Variants in JADE2 observed in about 807,000 individuals in gnomAD.
JADE2 encodes E3 ubiquitin-protein ligase Jade-2.
A neutral mutation model predicts 85.7 loss-of-function variants in JADE2; 13 were observed. That is an observed-to-expected ratio of 0.15 (90% CI 0.10 to 0.24). The LOEUF (loss-of-function observed/expected upper bound fraction) is 0.24. Among genes scored for constraint, JADE2 ranks in the 10% least tolerant of loss-of-function variants. JADE2 has a pLI of 1.00. For synonymous variants in JADE2, 440 were observed against 456.1 expected (o/e 0.96, Z 0.45); for missense variants, 846 against 1,115.9 (o/e 0.76, Z 3.45).
At chr5:134,567,516 C>T (rs769920010) in intron 9 of JADE2, among the ~76,000 whole-genome samples, 1 of 152,116 alleles carries the variant, frequency 6.6e-6, no homozygotes, top group East Asian at 1.9e-4. Flanking sequence ...CATATGGGAC[C>T]GTGTCACAGT....
At chr5:134,547,411 C>G (rs1367236243) in intron 3 of JADE2, among the ~76,000 whole-genome samples, 1 of 152,224 alleles carries the variant, frequency 6.6e-6, no homozygotes, top group Non-Finnish European at 1.5e-5. Context: ...GACAATTTGT[C>G]AATTTCTGCC....
chr5:134,538,235 C>A, intron 3 of JADE2, 152 bp downstream of exon 3: 1 of 615,144 alleles, frequency 1.6e-6, no homozygotes, highest in East Asian at 2.8e-5. Flanking sequence ...GGGCCAGTTT[C>A]CCTCAGCCTT....
At chr5:134,548,190 A>G (rs773729087) in intron 3 of JADE2, among the ~76,000 whole-genome samples, 2 of 152,194 alleles carry the variant, frequency 1.3e-5, no homozygotes, top group Non-Finnish European at 2.9e-5. Context: ...GGAACTTGCA[A>G]AGACCACAGT....
At chr5:134,526,762 AGT>A in intron 1 of JADE2, 1 of 985,138 alleles carries the variant, frequency 1.0e-6, no homozygotes, top group South Asian at 4.7e-5. Flanking sequence ...TTTCCAGGTG[AGT>A]GTGGAGGGTG....
At position 134,533,748 on chromosome 5, in the gene JADE2, T is replaced by C. The variant is rs1057376156; in HGVS notation, c.1-2110T>C. ...TGTCACACTCTCTCTTTTTTTTTTT[T>C]TTTTTTTTTTTTTTTTGAGATAAGG... On this transcript the variant is annotated intron_variant, in intron 1 of 11. Coordinates refer to ENST00000681547, the MANE Select transcript of JADE2 (RefSeq NM_001388185.1). Among the ~76,000 whole-genome samples, 44 of 50,160 alleles carry C rather than the reference T, an allele frequency of 8.8e-4. No homozygotes were observed. The South Asian group carries it at 0.011, about 12-fold the overall frequency. 32.9% of individuals were successfully genotyped at this position (50,160 alleles called of 152,430 possible). A position where few individuals can be genotyped will look rare whatever the true frequency, so the allele number is the denominator to read the frequency against.
In JADE2 at chr5:134,579,234, G is replaced by C. The variant is rs779382869; in HGVS notation, c.2422G>C (p.Glu808Gln). ...TGGGGAGATGAGCGACTCAGATGTAGAGGCCGAGGACGGTGGGGTGCAGCG... is the reference window on the plus strand; with the variant it reads ...TGGGGAGATGAGCGACTCAGATGTACAGGCCGAGGACGGTGGGGTGCAGCG... ...SDGEMSDSDV[E>Q]AEDGGVQRGP... is the part of the protein sequence containing the mutation. The change falls in exon 12 of 12, where the codon GAG (glutamate) becomes CAG (glutamine). Residue 808 changes from glutamate (E) to glutamine (Q), a missense_variant. Physicochemically the swap from Glu to Gln is conservative, Grantham distance 29 (BLOSUM62 2). This residue lies in a region of JADE2 where 300 missense variants were observed against 300.7 expected (regional missense o/e 1.00). Coordinates refer to ENST00000681547, the MANE Select transcript of JADE2 (RefSeq NM_001388185.1). This position sits in a 1 kb window ranked among gnomAD's most constrained non-coding sequence, Gnocchi z 4.6. 8 of 1,613,980 alleles carry C rather than the reference G, an allele frequency of 5.0e-6. No homozygotes were observed. The Middle Eastern group carries it at 6.6e-4, about 133-fold the overall frequency.
At chr5:134,535,593 C>T (rs563696165) in intron 1 of JADE2, among the ~76,000 whole-genome samples, 1 of 152,200 alleles carries the variant, frequency 6.6e-6, no homozygotes, top group East Asian at 1.9e-4. Flanking sequence ...CATGTCCTCT[C>T]CCTCTACAAC....
In JADE2 at chr5:134,566,292, G is replaced by A. The variant is rs1387988074; in HGVS notation, c.1146G>A (p.Gln382=). The A allele has an allele frequency of 1.9e-6, 3 of 1,614,202 alleles. No individual in the cohort carries two copies. The highest frequency in any genetic ancestry group is 2.2e-5 in the South Asian group (2 of 91,086). ...EPTSEPTEPS[Q]AGEDLEKVTL... Reference sequence around the variant, plus strand: ...CATCTGAGCCCACGGAACCCAGCCAGGCTGGCGAGGACCTGGAAAAGGTGA... The same window carrying A: ...CATCTGAGCCCACGGAACCCAGCCAAGCTGGCGAGGACCTGGAAAAGGTGA... The change falls in exon 9 of 12, where the codon CAG becomes CAA. Residue 382 remains glutamine (Q), a synonymous_variant. Transcript: ENST00000681547. This position sits in a 1 kb window ranked among gnomAD's most constrained non-coding sequence, Gnocchi z 6.7.
chr5:134,526,487 C>T (rs1760828911), intron 1 of JADE2: 4 of 985,202 alleles, frequency 4.1e-6, no homozygotes, highest in Admixed American at 6.2e-5. Context: ...GCTATCTGCC[C>T]TCCTGTCTCC....
In JADE2 at chr5:134,567,112, G is replaced by GT. The variant is rs554803555; in HGVS notation, c.1434+533dup. On this transcript the variant is annotated intron_variant, in intron 9 of 11. Coordinates refer to ENST00000681547, the MANE Select transcript of JADE2 (RefSeq NM_001388185.1). ...AGGGTAGATGGGTAAACGCGGCTCC[G>GT]TGGGGTGCTGGGCAAACAGAACAGA... Among the ~76,000 whole-genome samples the GT allele has an allele frequency of 2.0e-3, 305 of 152,332 alleles. 4 individuals are homozygous for GT. The highest frequency in any genetic ancestry group is 0.019 in the East Asian group (101 of 5,188).
intron 5 of JADE2, 26 bp downstream of exon 5, chr5:134,560,016 G>A (rs1245259874): frequency 6.2e-7 from 1 of 1,612,954 alleles, no homozygotes; most frequent in Admixed American, 1.7e-5. Flanking sequence ...ATTAAGAATG[G>A]GATCACGGCT....
chr5:134,554,822 G>T (rs1404173770), intron 4 of JADE2, among the ~76,000 whole-genome samples: 1 of 152,190 alleles, frequency 6.6e-6, no homozygotes, highest in Non-Finnish European at 1.5e-5. Context: ...AGGCTGCCTG[G>T]TAGCTGCCCG....
Position 134,566,342 on chromosome 5 carries a change from A to T in JADE2, c.1196A>T (p.Gln399Leu). Reference protein sequence around the residue: ...KVTLRKQRLQQLEEDFYELVE... With the variant: ...KVTLRKQRLQLLEEDFYELVE... ...ACCCTGCGCAAGCAGCGGCTGCAGC[A>T]GCTAGAGGAGGACTTCTACGAGCTG... Residue 399 changes from glutamine to leucine, a missense_variant, in exon 9 of 12, where the codon CAG becomes CTG. Physicochemically the swap from Gln to Leu is moderately radical, Grantham distance 113. This residue lies in a region of JADE2 where 88 missense variants were observed against 140.6 expected (regional missense o/e 0.63). Transcript: ENST00000681547. The surrounding 1 kb of genome is among the most constrained non-coding windows in gnomAD (Gnocchi z 6.7). 6.2e-7 allele frequency: 1 copy of T among 1,614,018 alleles called. No homozygotes were observed. The highest frequency in any genetic ancestry group is 8.5e-7 in the Non-Finnish European group (1 of 1,180,008).
At chr5:134,556,134 T>C (rs1762898430) in intron 4 of JADE2, among the ~76,000 whole-genome samples, 1 of 152,194 alleles carries the variant, frequency 6.6e-6, no homozygotes, top group African/African-American at 2.4e-5. Context: ...CCTTCCTCCC[T>C]GTCAGCGCTG....
intron 9 of JADE2, among the ~76,000 whole-genome samples, chr5:134,570,075 C>T (rs934378377): frequency 6.6e-6 from 1 of 152,186 alleles, no homozygotes; most frequent in Non-Finnish European, 1.5e-5. Flanking sequence ...GCCTGCTATG[C>T]CCCAGCCCTT....
chr5:134,577,074 T>A, intron 11 of JADE2, 178 bp downstream of exon 11: 1 of 666,076 alleles, frequency 1.5e-6, no homozygotes, highest in Non-Finnish European at 2.4e-6. Flanking sequence ...GAGACAGATC[T>A]CAGAGCCCCG....
At chr5:134,539,312 C>T (rs924892996) in intron 3 of JADE2, among the ~76,000 whole-genome samples, 18 of 152,176 alleles carry the variant, frequency 1.2e-4, no homozygotes, top group Non-Finnish European at 2.5e-4. Context: ...ATCCGCCCGC[C>T]TTGGCCTCCC....
chr5:134,571,904 C>T (rs1057057872), intron 9 of JADE2, among the ~76,000 whole-genome samples: 1 of 152,248 alleles, frequency 6.6e-6, no homozygotes, highest in Non-Finnish European at 1.5e-5. Flanking sequence ...AACTCCCACT[C>T]CCACTGGCTG....
intron 1 of JADE2, among the ~76,000 whole-genome samples, chr5:134,532,893 A>G (rs1761334292): frequency 6.6e-6 from 1 of 152,212 alleles, no homozygotes; most frequent in Non-Finnish European, 1.5e-5. Flanking sequence ...AAAGGAAAGA[A>G]GCTGCACTCA....
Sources: gnomAD v4.1 joint callset for allele counts (sites outside exome capture counted in the v4.1 genomes callset) on GRCh38, gnomAD v4.1.1 for gene constraint, gnomAD v4.1.1 regional missense constraint, Gnocchi (gnomAD v3.1) non-coding constraint, MANE v1.5 for transcripts, NCBI Gene and HGNC (gene_info 2026-07-23, HGNC 2026-07-21) for gene names.